The following RGS9 variants were observed in gnomAD, a reference collection of about 807,000 sequenced individuals.
RGS9 encodes regulator of G-protein signalling 9.
A neutral mutation model predicts 102.0 loss-of-function variants in RGS9; 78 were observed. The ratio of observed to expected loss-of-function variants is 0.76; its 90% CI spans 0.64 to 0.92. RGS9 has a LOEUF of 0.92. RGS9 is among the 40% of genes least tolerant of loss of function. The pLI is 0.00. For missense variants in RGS9, 833 were observed against 866.1 expected (o/e 0.96, Z 0.48); for synonymous variants, 353 against 318.6 (o/e 1.11, Z -1.15).
At chr17:65,180,339 CT>C (rs953859023) in intron 9 of RGS9, among the ~76,000 whole-genome samples, 1 of 151,834 alleles carries the variant, frequency 6.6e-6, no homozygotes, top group African/African-American at 2.4e-5. Context: ...ATCCTTCTTT[CT>C]TTTTTTCTTT....
At chr17:65,219,783 C>T (rs1309449511) in intron 17 of RGS9, among the ~76,000 whole-genome samples, 4 of 152,186 alleles carry the variant, frequency 2.6e-5, no homozygotes, top group African/African-American at 9.7e-5. Flanking sequence ...CTATCATCAT[C>T]ATCACCACCA....
chr17:65,147,469 T>C (rs1910408586), intron 1 of RGS9, among the ~76,000 whole-genome samples: 1 of 152,016 alleles, frequency 6.6e-6, no homozygotes, highest in Non-Finnish European at 1.5e-5. Flanking sequence ...AGGTGGGAGC[T>C]TCCCAGCTTC....
Position 65,197,024 on chromosome 17 carries a change from A to G in RGS9, c.861-102A>G, listed in dbSNP as rs980052426. ...GCAGGGATTGGGAGGAGGAGGATTGAATTGAGCCCTGGGCCATGAGACTAA... is the reference window on the plus strand; with the variant it reads ...GCAGGGATTGGGAGGAGGAGGATTGGATTGAGCCCTGGGCCATGAGACTAA... On this transcript the variant is annotated intron_variant, in intron 12 of 18. Coordinates refer to ENST00000262406, the MANE Select transcript of RGS9 (RefSeq NM_003835.4). 1.2e-5 allele frequency: 9 copies of G among 753,328 alleles called. No individual in the cohort carries two copies. The Admixed American group carries it at 1.6e-4, about 13-fold the overall frequency. The allele number at this position is 753,328 out of a possible 1,614,324, so 46.7% of individuals were successfully genotyped here.
chr17:65,156,927 A>C (rs544389193), intron 2 of RGS9, among the ~76,000 whole-genome samples: 1 of 152,312 alleles, frequency 6.6e-6, no homozygotes, highest in African/African-American at 2.4e-5. Flanking sequence ...GACAGTGTGC[A>C]TGTGGACACT....
intron 17 of RGS9, among the ~76,000 whole-genome samples, chr17:65,211,779 G>A (rs1477604035): frequency 6.6e-6 from 1 of 152,234 alleles, no homozygotes; most frequent in Non-Finnish European, 1.5e-5. Flanking sequence ...GCAAACATCG[G>A]TGAATAAAAC....
intron 13 of RGS9, among the ~76,000 whole-genome samples, chr17:65,197,964 C>T (rs924170435): frequency 6.6e-6 from 1 of 152,212 alleles, no homozygotes; most frequent in African/African-American, 2.4e-5. Context: ...AGCCACTGCG[C>T]CTGGCTTCCT....
At chr17:65,141,566 A>C (rs1050006719) in intron 1 of RGS9, among the ~76,000 whole-genome samples, 4 of 152,184 alleles carry the variant, frequency 2.6e-5, no homozygotes, top group Non-Finnish European at 5.9e-5. Context: ...TTGGGTACTT[A>C]TGGGCTAGAT....
intron 6 of RGS9, among the ~76,000 whole-genome samples, chr17:65,161,686 C>T (rs1052059469): frequency 5.3e-5 from 8 of 150,808 alleles, no homozygotes; most frequent in African/African-American, 1.9e-4. Context: ...TAAAATCTTG[C>T]TGTGTTTTTA....
At chr17:65,168,104 G>C in intron 7 of RGS9, 96 bp from the exon 8 acceptor site, 2 of 763,602 alleles carry the variant, frequency 2.6e-6, no homozygotes, top group Non-Finnish European at 4.6e-6. Context: ...ACTTGGGCAG[G>C]TTGGGAGAGG....
At chr17:65,201,697 G>A (rs1912852808) in intron 13 of RGS9, among the ~76,000 whole-genome samples, 1 of 152,234 alleles carries the variant, frequency 6.6e-6, no homozygotes, top group Admixed American at 6.5e-5. Context: ...CGGTGTGAAT[G>A]CATTGCTGCA....
At chr17:65,151,646 C>A (rs553969621) in intron 1 of RGS9, among the ~76,000 whole-genome samples, 1 of 152,218 alleles carries the variant, frequency 6.6e-6, no homozygotes, top group Non-Finnish European at 1.5e-5. Flanking sequence ...TACAGTCGAC[C>A]TTCCAAGGCA....
At position 65,225,048 on chromosome 17, in the gene RGS9, G is replaced by T; in HGVS notation, c.1454G>T (p.Gly485Val). The change falls in exon 18 of 19, where the codon GGG becomes GTG. Residue 485 changes from glycine to valine, a missense_variant. By Grantham distance (109) the Gly-to-Val change is moderately radical. Transcript: ENST00000262406. ...AGCCCCCATCTGACCGTGTACACCGGGACCTGCATGCCCCCGTCTCCTTCT... is the reference window on the plus strand; with the variant it reads ...AGCCCCCATCTGACCGTGTACACCGTGACCTGCATGCCCCCGTCTCCTTCT... ...APSPHLTVYT[G>V]TCMPPSPSSP... 1.2e-6 allele frequency: 2 copies of T among 1,613,910 alleles called. No individual in the cohort carries two copies. Among genetic ancestry groups the T allele is most frequent in the Non-Finnish European group, 1.7e-6 (2 of 1,179,974 alleles).
At chr17:65,201,431 G>C (rs1040427384) in intron 13 of RGS9, among the ~76,000 whole-genome samples, 2 of 152,198 alleles carry the variant, frequency 1.3e-5, no homozygotes, top group Non-Finnish European at 2.9e-5. Flanking sequence ...GTGAGGGACT[G>C]CAAATGATGG....
At chr17:65,168,137 G>T in intron 7 of RGS9, 63 bp from the exon 8 acceptor site, 1 of 1,070,752 alleles carries the variant, frequency 9.3e-7, no homozygotes, top group Non-Finnish European at 1.4e-6. Flanking sequence ...CAGGAATGAG[G>T]GGCATCACTA....
intron 13 of RGS9, among the ~76,000 whole-genome samples, chr17:65,198,882 T>A (rs1912704214): frequency 6.6e-6 from 1 of 152,200 alleles, no homozygotes; most frequent in Non-Finnish European, 1.5e-5. Context: ...CAAGTCTAAT[T>A]GCTGCTCTAG....
At chr17:65,168,314 C>T in intron 8 of RGS9, 33 bp downstream of exon 8, 4 of 1,451,696 alleles carry the variant, frequency 2.8e-6, no homozygotes, top group Non-Finnish European at 3.8e-6. Context: ...TCCTCTGTCT[C>T]TTCCTGTGCC....
chr17:65,180,231 A>G (rs893626405), intron 9 of RGS9, among the ~76,000 whole-genome samples: 1 of 152,130 alleles, frequency 6.6e-6, no homozygotes, highest in Non-Finnish European at 1.5e-5. Flanking sequence ...CATCTCCATG[A>G]AGACCTGGGA....
rs149667476 is a variant in RGS9, at chr17:65,156,646, T to C, written c.155-1649T>C. ...GTAGACCGCGTGGTACAGATGCTGG[T>C]GGCACCATAATCTCATTTGATCTAT... is the stretch of plus-strand genomic sequence containing the variant. On this transcript the variant is annotated intron_variant, in intron 2 of 18. Coordinates refer to ENST00000262406, the MANE Select transcript of RGS9 (RefSeq NM_003835.4). Among the ~76,000 whole-genome samples the C allele has an allele frequency of 7.0e-3, 1,071 of 152,316 alleles. 4 individuals carry two copies. Among genetic ancestry groups the C allele is most frequent in the Non-Finnish European group, 0.011 (774 of 68,034 alleles).
intron 16 of RGS9, among the ~76,000 whole-genome samples, chr17:65,210,160 A>C (rs1033892023): frequency 6.6e-6 from 1 of 152,222 alleles, no homozygotes; most frequent in African/African-American, 2.4e-5. Context: ...AGCCTTCATT[A>C]TCCACTTCTT....
Sources: gnomAD v4.1 joint callset for allele counts (sites outside exome capture counted in the v4.1 genomes callset) on GRCh38, gnomAD v4.1.1 for gene constraint, MANE v1.5 for transcripts, NCBI Gene and HGNC (gene_info 2026-07-23, HGNC 2026-07-21) for gene names.